The following CFAP65 variants were observed in gnomAD, a reference collection of about 807,000 sequenced individuals.
CFAP65 encodes the protein cilia and flagella associated protein 65.
In CFAP65, 155 loss-of-function variants were observed where a neutral mutation model predicts 208.0. The ratio of observed to expected loss-of-function variants is 0.75; its 90% CI spans 0.65 to 0.85. The LOEUF (loss-of-function observed/expected upper bound fraction) is 0.85. CFAP65 is among the 40% of genes least tolerant of loss of function. The pLI, the probability that CFAP65 is intolerant of heterozygous loss-of-function variation, is 0.00. For synonymous variants in CFAP65, 970 were observed against 986.3 expected (o/e 0.98, Z 0.31); for missense variants, 2,294 against 2,451.3 (o/e 0.94, Z 1.36).
chr2:219,032,905 C>A lies in CFAP65; in HGVS notation c.543-333G>T, dbSNP rs1338280720. Among the ~76,000 whole-genome samples, 5 of 152,250 alleles carry A rather than the reference C, an allele frequency of 3.3e-5. No individual in the cohort carries two copies. The highest frequency in any genetic ancestry group is 1.2e-4 in the African/African-American group (5 of 41,542). On this transcript the variant is annotated intron_variant, in intron 5 of 34. Coordinates refer to ENST00000341552, the MANE Select transcript of CFAP65 (RefSeq NM_194302.4). The surrounding 1 kb of genome is among the most constrained non-coding windows in gnomAD (Gnocchi z 5.5). ...GTCCGCAAGCACTGAGGTGGGGGAA[C>A]CAAGGCTGAGGAGGGTGGGACCGGG...
chr2:219,023,904 A>G lies in CFAP65; in HGVS notation c.2595+111T>C. Reference sequence around the variant, plus strand: ...CTACTATGCTACTTCCTGGAGGAGAAGTGGCCCCCTGGAAATCTTAGGGGC... The same window carrying G: ...CTACTATGCTACTTCCTGGAGGAGAGGTGGCCCCCTGGAAATCTTAGGGGC... On this transcript the variant is annotated intron_variant, in intron 15 of 34. Transcript: ENST00000341552. 8 of 1,301,894 alleles carry G rather than the reference A, an allele frequency of 6.1e-6. No homozygotes were observed. In the South Asian group the frequency reaches 1.1e-4, roughly 18 times the overall value. 80.6% of individuals were successfully genotyped at this position (1,301,894 alleles called of 1,614,324 possible).
Position 219,024,213 on chromosome 2 carries a change from G to A in CFAP65, c.2397C>T (p.Leu799=). ...GCAGCTTGCAGTCTTTGTTGACCAG[G>A]AGCAGGCTGCGGTAGGTGGGCTCAC... The part of the protein sequence containing the change: ...SSGEPTYRSL[L]LVNKDCKLLT... The change falls in exon 15 of 35, where the codon CTC becomes CTT. Residue 799 remains leucine, a synonymous_variant. Transcript: ENST00000341552. The A allele has an allele frequency of 6.2e-7, 1 of 1,613,842 alleles. No individual in the cohort carries two copies. Among genetic ancestry groups the A allele is most frequent in the Non-Finnish European group, 8.5e-7 (1 of 1,180,014 alleles).
In CFAP65 at chr2:219,003,187, C is replaced by T. The variant is rs1945697906; in HGVS notation, c.5641G>A (p.Val1881Ile). The change falls in exon 34 of 35, where the codon GTA (valine) becomes ATA (isoleucine). Residue 1881 changes from valine to isoleucine, a missense_variant. This residue lies in a region of CFAP65 where 1,427 missense variants were observed against 1,438.7 expected (regional missense o/e 0.99). Coordinates refer to ENST00000341552, the MANE Select transcript of CFAP65 (RefSeq NM_194302.4). The surrounding 1 kb of genome is among the most constrained non-coding windows in gnomAD (Gnocchi z 4.4). ...ILVEASRGEV[V>I]LTSRPRVIAL... ...ATGACGCGTGGCCGCGAGGTGAGTA[C>T]CACCTCCCCGCGGCTCGCCTCCACC... 1.3e-6 allele frequency: 2 copies of T among 1,548,288 alleles called. No homozygotes were observed. The highest frequency in any genetic ancestry group is 2.0e-5 in the Admixed American group (1 of 50,888).
Position 219,030,142 on chromosome 2 carries a change from G to C in CFAP65, c.1228C>G (p.Pro410Ala), listed in dbSNP as rs544739894. The change falls in exon 10 of 35, where the codon CCC becomes GCC. Residue 410 changes from proline (P) to alanine (A), a missense_variant. This residue lies in a region of CFAP65 where 867 missense variants were observed against 1,012.6 expected (regional missense o/e 0.86). Transcript: ENST00000341552. ...ELAEDQAFSC[P>A]TAHGIVLPGE... is the part of the protein sequence containing the mutation. ...GGAAGCACGATGCCATGGGCCGTGGGGCATGAGAAGGCCTGGTCTTCGGCC... is the reference window on the plus strand; with the variant it reads ...GGAAGCACGATGCCATGGGCCGTGGCGCATGAGAAGGCCTGGTCTTCGGCC... The C allele has an allele frequency of 4.3e-6, 7 of 1,614,016 alleles. No homozygotes were observed. In the Admixed American group the frequency reaches 1.2e-4, roughly 27 times the overall value.
In CFAP65 at chr2:219,032,531, G is replaced by A. The variant is rs1948118207; in HGVS notation, c.584C>T (p.Pro195Leu). Residue 195 changes from proline to leucine, a missense_variant, in exon 6 of 35, where the codon CCC (proline) becomes CTC (leucine). Pro to Leu is a moderately conservative substitution (Grantham distance 98). Transcript: ENST00000341552. This position sits in a 1 kb window ranked among gnomAD's most constrained non-coding sequence, Gnocchi z 5.5. ...TKFFFTVIPQ[P>L]IFLSPGITLT... The stretch of plus-strand genomic sequence containing the variant: ...GGTTATGCCTGGGCTCAGGAAGATG[G>A]GCTGAGGGATGACCGTGAAGAAGAA... The A allele has an allele frequency of 6.2e-7, 1 of 1,607,342 alleles. No individual in the cohort carries two copies. The highest frequency in any genetic ancestry group is 1.3e-5 in the African/African-American group (1 of 74,814).
rs144215367 is a variant in CFAP65 at position 219,029,499 on chromosome 2, C to T, written c.1554G>A (p.Thr518=). 316 of 1,614,066 alleles carry T rather than the reference C, an allele frequency of 2.0e-4. 2 individuals are homozygous for T. In the South Asian group the frequency reaches 2.2e-3, roughly 11 times the overall value. The change falls in exon 11 of 35, where the codon ACG becomes ACA. Residue 518 remains threonine, a synonymous_variant. Coordinates refer to ENST00000341552, the MANE Select transcript of CFAP65 (RefSeq NM_194302.4). The part of the protein sequence containing the change: ...SVFTIRPAFG[T]LVGKARMTLH... ...GGGTCATACGGGCCTTGCCCACCAG[C>T]GTCCCAAAGGCAGGCCTGATGGTAA... is the stretch of plus-strand genomic sequence containing the variant.
chr2:219,041,548 A>C (rs532666577), upstream of CFAP65: 4 of 1,550,358 alleles, frequency 2.6e-6, no homozygotes, highest in South Asian at 4.8e-5. Flanking sequence ...GTCTTCAGAT[A>C]TCCCAGGGCA....
intron 17 of CFAP65, 70 bp downstream of exon 17, chr2:219,022,101 C>T (rs1947301847): frequency 6.6e-7 from 1 of 1,515,956 alleles, no homozygotes; most frequent in Admixed American, 2.1e-5. Flanking sequence ...TGGGAGGTTC[C>T]CTGGGGCCTT....
At position 219,032,453 on chromosome 2, in the gene CFAP65, G is replaced by A. The variant is rs752254844; in HGVS notation, c.645+17C>T. 17 of 1,566,720 alleles carry A rather than the reference G, an allele frequency of 1.1e-5. No homozygotes were observed. The highest frequency in any genetic ancestry group is 4.7e-5 in the South Asian group (4 of 85,096). ...CCCAGGTACCTCCCTGCCCTCACTC[G>A]CTGTGGCAGACCTTACCGCCTCCAG... On this transcript the variant is annotated intron_variant, in intron 6 of 34. Transcript: ENST00000341552. This position sits in a 1 kb window ranked among gnomAD's most constrained non-coding sequence, Gnocchi z 5.5.
rs905831905 is a variant in CFAP65, at chr2:219,038,948, A to C, written c.101T>G (p.Leu34Arg). ...TTTCTTCTGAACACTCTTGCCTCTTAGGAGAAGAGGAATAAGGGGGAAAGA... is the reference window on the plus strand; with the variant it reads ...TTTCTTCTGAACACTCTTGCCTCTTCGGAGAAGAGGAATAAGGGGGAAAGA... ...ASSFPLIPLLLRGKSVQKKQA... is the reference protein window; with the variant it reads ...ASSFPLIPLLRRGKSVQKKQA... Residue 34 changes from leucine (L) to arginine (R), a missense_variant, in exon 3 of 35, where the codon CTA becomes CGA. Leu to Arg is a moderately radical substitution (Grantham distance 102). This residue lies in a region of CFAP65 where 867 missense variants were observed against 1,012.6 expected (regional missense o/e 0.86). Transcript: ENST00000341552. 2 of 1,613,584 alleles carry C rather than the reference A, an allele frequency of 1.2e-6. No homozygotes were observed. Among genetic ancestry groups the C allele is most frequent in the Non-Finnish European group, 1.7e-6 (2 of 1,179,764 alleles).
In CFAP65 at chr2:219,014,035, G is replaced by C; in HGVS notation, c.3612C>G (p.Leu1204=). The change falls in exon 22 of 35, where the codon CTC becomes CTG. Residue 1204 remains leucine, a synonymous_variant. Transcript: ENST00000341552. Reference sequence around the variant, plus strand: ...CGTCAATCCGCTGGTCACTTGGAAGGAGGAAGGCCCTGGGAGAGGGGTGCA... The same window carrying C: ...CGTCAATCCGCTGGTCACTTGGAAGCAGGAAGGCCCTGGGAGAGGGGTGCA... The part of the protein sequence containing the change: ...SGVVSLDWAF[L]LPSDQRIDVE... 6.2e-7 allele frequency: 1 copy of C among 1,610,592 alleles called. No individual in the cohort carries two copies. The highest frequency in any genetic ancestry group is 1.1e-5 in the South Asian group (1 of 90,642).
intron 24 of CFAP65, among the ~76,000 whole-genome samples, chr2:219,012,090 C>T (rs1946530756): frequency 6.6e-6 from 1 of 152,158 alleles, no homozygotes; most frequent in Non-Finnish European, 1.5e-5. Flanking sequence ...CTGCCCATGT[C>T]TTGATCTTGG....
At chr2:219,040,855 A>G (rs2106287461) in intron 1 of CFAP65, among the ~76,000 whole-genome samples, 1 of 152,292 alleles carries the variant, frequency 6.6e-6, no homozygotes, top group African/African-American at 2.4e-5. Context: ...GGATAGGCAA[A>G]TTTCTCCATC....
intron 5 of CFAP65, chr2:219,033,941 T>C (rs529920787): frequency 1.4e-4 from 22 of 152,262 alleles, no homozygotes; most frequent in Non-Finnish European, 2.9e-4. Flanking sequence ...ATAATACCTA[T>C]ATAAAAATGA....
intron 4 of CFAP65, 91 bp from the exon 5 acceptor site, chr2:219,035,755 C>T: frequency 6.7e-7 from 1 of 1,503,678 alleles, no homozygotes; most frequent in Non-Finnish European, 8.8e-7. Flanking sequence ...GGTCTTCGTC[C>T]TCCACCACCA....
chr2:219,025,168 C>T (rs996746390), intron 14 of CFAP65, among the ~76,000 whole-genome samples: 6 of 152,020 alleles, frequency 3.9e-5, no homozygotes, highest in African/African-American at 7.2e-5. Flanking sequence ...GAGGGAGTGA[C>T]GCCAGATCTT....
Position 219,004,385 on chromosome 2 carries a change from G to A in CFAP65, c.5122C>T (p.Arg1708Cys), listed in dbSNP as rs150010715. 7.7e-4 allele frequency: 1,236 copies of A among 1,614,048 alleles called. 15 individuals are homozygous for A. In the East Asian group the frequency reaches 0.024, roughly 31 times the overall value. Residue 1708 changes from arginine (R) to cysteine (C), a missense_variant, in exon 33 of 35, where the codon CGC becomes TGC. This residue lies in a region of CFAP65 where 1,427 missense variants were observed against 1,438.7 expected (regional missense o/e 0.99). Coordinates refer to ENST00000341552, the MANE Select transcript of CFAP65 (RefSeq NM_194302.4). The surrounding 1 kb of genome is among the most constrained non-coding windows in gnomAD (Gnocchi z 4.7). ...QSLVEQVPYF[R>C]QFWNEQSTKF... is the part of the protein sequence containing the mutation. Reference sequence around the variant, plus strand: ...GTTGACTGCTCATTCCAGAATTGGCGGAAGTACGGCACCTGCTCCACCAGG... The same window carrying A: ...GTTGACTGCTCATTCCAGAATTGGCAGAAGTACGGCACCTGCTCCACCAGG...
rs774621115 is a variant in CFAP65, at chr2:219,004,068, G to A, written c.5439C>T (p.Gly1813=). 2.5e-6 allele frequency: 4 copies of A among 1,614,008 alleles called. No homozygotes were observed. The highest frequency in any genetic ancestry group is 3.4e-6 in the Non-Finnish European group (4 of 1,180,018). Reference sequence around the variant, plus strand: ...ACTCAGGCTGTGGTGTGGGCCCGATGCCCGCCCAGCTCACTTTCTCTTCCT... The same window carrying A: ...ACTCAGGCTGTGGTGTGGGCCCGATACCCGCCCAGCTCACTTTCTCTTCCT... The part of the protein sequence containing the change: ...DEKEEKVSWA[G]IGPTPQPESQ... The change falls in exon 33 of 35, where the codon GGC becomes GGT. Residue 1813 remains glycine (G), a synonymous_variant. Coordinates refer to ENST00000341552, the MANE Select transcript of CFAP65 (RefSeq NM_194302.4). This position sits in a 1 kb window ranked among gnomAD's most constrained non-coding sequence, Gnocchi z 4.7.
intron 3 of CFAP65, 94 bp downstream of exon 3, chr2:219,038,802 T>A: frequency 7.2e-7 from 1 of 1,386,164 alleles, no homozygotes; most frequent in Non-Finnish European, 9.7e-7. Context: ...AAAGAGGGAC[T>A]TGGGGACAAG....
Sources: gnomAD v4.1 joint callset for allele counts (sites outside exome capture counted in the v4.1 genomes callset) on GRCh38, gnomAD v4.1.1 for gene constraint, gnomAD v4.1.1 regional missense constraint, Gnocchi (gnomAD v3.1) non-coding constraint, MANE v1.5 for transcripts, NCBI Gene and HGNC (gene_info 2026-07-23, HGNC 2026-07-21) for gene names.